The following ADAMTS17 variants were observed in gnomAD, a reference collection of about 807,000 sequenced individuals.
ADAMTS17 encodes A disintegrin and metalloproteinase with thrombospondin motifs 17.
In ADAMTS17, 113 loss-of-function variants were observed where a neutral mutation model predicts 141.5. That is an observed-to-expected ratio of 0.80 (90% CI 0.69 to 0.93). The LOEUF (loss-of-function observed/expected upper bound fraction) is 0.93. Ranked by LOEUF, ADAMTS17 falls within the 40% of genes least tolerant of loss-of-function variation. The pLI is 0.00. For missense variants in ADAMTS17, 1,659 were observed against 1,517.9 expected, an observed-to-expected ratio of 1.09 and a Z score of -1.54; for synonymous variants, 768 against 630.6, an observed-to-expected ratio of 1.22 and a Z score of -3.27.
intron 12 of ADAMTS17, among the ~76,000 whole-genome samples, chr15:100,125,633 C>T (rs909893119): frequency 2.0e-5 from 3 of 152,096 alleles, no homozygotes; most frequent in African/African-American, 2.4e-5. Flanking sequence ...CACAAACTGT[C>T]GAGGGGTAAC....
chr15:100,149,358 T>C (rs1047158196), intron 10 of ADAMTS17, among the ~76,000 whole-genome samples: 1 of 152,232 alleles, frequency 6.6e-6, no homozygotes, highest in South Asian at 2.1e-4. Context: ...AATCAGTATG[T>C]CAGTATGTTC....
rs199590013 is a variant in ADAMTS17 at position 100,296,616 on chromosome 15, T to C, written c.617-15215A>G. Reference sequence around the variant, plus strand: ...GTGTGTGTGTGTGTATGTGTGTGTGTGCGCATGCACGCGCACGTGCATTTA... The same window carrying C: ...GTGTGTGTGTGTGTATGTGTGTGTGCGCGCATGCACGCGCACGTGCATTTA... On this transcript the variant is annotated intron_variant, in intron 3 of 21. Coordinates refer to ENST00000268070, the MANE Select transcript of ADAMTS17 (RefSeq NM_139057.4). 1.4e-3 allele frequency among the ~76,000 whole-genome samples: 206 copies of C among 152,182 alleles called. 1 individual carries two copies. The highest frequency in any genetic ancestry group is 4.6e-3 in the African/African-American group (193 of 41,510).
chr15:100,142,369 G>A (rs1273946289), intron 10 of ADAMTS17, among the ~76,000 whole-genome samples: 1 of 152,164 alleles, frequency 6.6e-6, no homozygotes, highest in Non-Finnish European at 1.5e-5. Flanking sequence ...GGGGTTCCAG[G>A]CTCCCAGAGT....
At chr15:100,294,123 A>C (rs1219456148) in intron 3 of ADAMTS17, among the ~76,000 whole-genome samples, 1 of 152,232 alleles carries the variant, frequency 6.6e-6, no homozygotes, top group South Asian at 2.1e-4. Flanking sequence ...AGGGTCAGAT[A>C]TATAACAACA....
intron 15 of ADAMTS17, among the ~76,000 whole-genome samples, chr15:100,067,645 C>A (rs2033637202): frequency 6.6e-6 from 1 of 151,992 alleles, no homozygotes; most frequent in African/African-American, 2.4e-5. Context: ...CAGCACTTAT[C>A]TTTTATTTAC....
intron 15 of ADAMTS17, among the ~76,000 whole-genome samples, chr15:100,089,410 G>A (rs907402456): frequency 2.0e-5 from 3 of 149,482 alleles, no homozygotes; most frequent in African/African-American, 7.5e-5. Context: ...CAACCATTGT[G>A]GAAGACAGTG....
intron 15 of ADAMTS17, among the ~76,000 whole-genome samples, chr15:100,065,224 A>G (rs1277762535): frequency 1.3e-5 from 2 of 152,204 alleles, no homozygotes; most frequent in Non-Finnish European, 1.5e-5. Flanking sequence ...ACACCTCTTA[A>G]TGCATATAAA....
chr15:100,271,997 G>A (rs1186576178), intron 4 of ADAMTS17, among the ~76,000 whole-genome samples: 3 of 148,864 alleles, frequency 2.0e-5, no homozygotes, highest in African/African-American at 7.5e-5. Flanking sequence ...GAAGGTCTCG[G>A]CATCCTTACC....
intron 18 of ADAMTS17, among the ~76,000 whole-genome samples, chr15:100,005,086 A>T (rs1191377368): frequency 6.6e-6 from 1 of 152,232 alleles, no homozygotes; most frequent in East Asian, 1.9e-4. Context: ...AGTCACAGTT[A>T]ACGCTTCTCT....
At chr15:100,096,236 G>C (rs1030329384) in intron 15 of ADAMTS17, 120 bp downstream of exon 15, 5 of 1,515,558 alleles carry the variant, frequency 3.3e-6, no homozygotes, top group Non-Finnish European at 4.5e-6. Context: ...GAAGTTCCAG[G>C]TCACCTATCC....
rs532542105 is a variant in ADAMTS17 at position 100,225,896 on chromosome 15, G to A, written c.1076-26473C>T. On this transcript the variant is annotated intron_variant, in intron 7 of 21. Coordinates refer to ENST00000268070, the MANE Select transcript of ADAMTS17 (RefSeq NM_139057.4). The stretch of plus-strand genomic sequence containing the variant: ...GCCATTCAGTCCTTACAGCAGTCAC[G>A]GTCTCTGTGCCATTCAGTCCTTACA... Among the ~76,000 whole-genome samples, 255 of 143,430 alleles carry A rather than the reference G, an allele frequency of 1.8e-3. 1 individual carries two copies. The highest frequency in any genetic ancestry group is 5.7e-3 in the African/African-American group (223 of 39,156). The allele number at this position is 143,430 out of a possible 152,430, so 94.1% of individuals were successfully genotyped here.
rs1383554725 is a variant in ADAMTS17 at position 99,972,259 on chromosome 15, A to C, written c.*2143T>G. ...GAGGGAGACTCTGTCTCAAAAAACA[A>C]CACCGACAACAAAAAGATGAGCTAA... On this transcript the variant is annotated 3_prime_UTR_variant, in exon 22 of 22. Coordinates refer to ENST00000268070, the MANE Select transcript of ADAMTS17 (RefSeq NM_139057.4). The C allele has an allele frequency of 2.0e-5, 3 of 152,200 alleles. No homozygotes were observed. Among genetic ancestry groups the C allele is most frequent in the Non-Finnish European group, 4.4e-5 (3 of 68,072 alleles). The allele number at this position is 152,200 out of a possible 1,614,324, so 9.4% of individuals were successfully genotyped here.
chr15:100,134,168 G>A (rs891252609), intron 10 of ADAMTS17, among the ~76,000 whole-genome samples: 2 of 152,150 alleles, frequency 1.3e-5, no homozygotes, highest in African/African-American at 4.8e-5. Flanking sequence ...ACCCGCCCAG[G>A]GGACAGGGAG....
intron 3 of ADAMTS17, among the ~76,000 whole-genome samples, chr15:100,296,267 T>TC (rs1052102454): frequency 5.3e-5 from 8 of 152,258 alleles, no homozygotes; most frequent in African/African-American, 1.7e-4. Flanking sequence ...GACCACTTTT[T>TC]TTTTTTAACA....
chr15:99,984,239 C>A (rs1413369409), intron 20 of ADAMTS17, among the ~76,000 whole-genome samples: 1 of 152,196 alleles, frequency 6.6e-6, no homozygotes, highest in Non-Finnish European at 1.5e-5. Context: ...GCCTCCAGAG[C>A]TCTTGGGGAC....
chr15:100,331,852 G>T (rs912170600), intron 2 of ADAMTS17, among the ~76,000 whole-genome samples: 1 of 152,098 alleles, frequency 6.6e-6, no homozygotes, highest in African/African-American at 2.4e-5. Flanking sequence ...TGGAGCCCAA[G>T]AATGTGCATT....
intron 8 of ADAMTS17, among the ~76,000 whole-genome samples, chr15:100,192,769 T>C (rs1488985748): frequency 1.3e-5 from 2 of 152,220 alleles, no homozygotes; most frequent in African/African-American, 2.4e-5. Context: ...AATGGCTTGC[T>C]TTCCTTCCTG....
intron 3 of ADAMTS17, among the ~76,000 whole-genome samples, chr15:100,308,979 G>C (rs1411634985): frequency 1.3e-5 from 2 of 152,228 alleles, no homozygotes; most frequent in African/African-American, 4.8e-5. Flanking sequence ...GGAAAACTCT[G>C]ATTTTCACAA....
Position 99,997,494 on chromosome 15 carries a change from G to A in ADAMTS17, c.2687C>T (p.Thr896Ile). The A allele has an allele frequency of 6.2e-7, 1 of 1,613,592 alleles. No individual in the cohort carries two copies. The highest frequency in any genetic ancestry group is 8.5e-7 in the Non-Finnish European group (1 of 1,179,996). ...VTCVYQLQNG[T>I]HVATRPLYCP... is the part of the protein sequence containing the mutation. ...GTAGAGGGGCCGCGTAGCGACGTGT[G>A]TGCCGTTCTGCAGCTGGTACACGCA... The change falls in exon 19 of 22, where the codon ACA (threonine) becomes ATA (isoleucine). Residue 896 changes from threonine (T) to isoleucine (I), a missense_variant. Coordinates refer to ENST00000268070, the MANE Select transcript of ADAMTS17 (RefSeq NM_139057.4). The surrounding 1 kb of genome is among the most constrained non-coding windows in gnomAD (Gnocchi z 4.7).
Sources: allele counts gnomAD v4.1 joint callset (sites outside exome capture counted in the v4.1 genomes callset), GRCh38; gene constraint gnomAD v4.1.1; non-coding constraint Gnocchi (gnomAD v3.1); transcripts MANE v1.5; gene names NCBI Gene and HGNC (gene_info 2026-07-23, HGNC 2026-07-21).